Variants in NUP160 observed in about 807,000 individuals in gnomAD.
NUP160 encodes the protein nuclear pore complex protein Nup160.
Under a neutral mutation model 196.9 loss-of-function variants are expected in NUP160, and 94 were observed. The ratio of observed to expected loss-of-function variants is 0.48; its 90% CI spans 0.40 to 0.57. NUP160 has a LOEUF of 0.57. Among genes scored for constraint, NUP160 ranks in the 20% least tolerant of loss-of-function variants. The pLI, the probability that NUP160 is intolerant of heterozygous loss-of-function variation, is 0.00. For synonymous variants in NUP160, 605 were observed against 619.7 expected (o/e 0.98, Z 0.35); for missense variants, 1,638 against 1,748.3 (o/e 0.94, Z 1.13).
At chr11:47,803,183 G>A (rs886313135) in intron 22 of NUP160, among the ~76,000 whole-genome samples, 5 of 89,390 alleles carry the variant, frequency 5.6e-5, no homozygotes, top group Non-Finnish European at 2.6e-5. Context: ...AATAATAAAA[G>A]GAATCTCTAA....
At chr11:47,835,955 G>C in intron 6 of NUP160, 146 bp from the exon 7 acceptor site, 1 of 614,766 alleles carries the variant, frequency 1.6e-6, no homozygotes, top group South Asian at 3.3e-5. Context: ...GTTTCAAAAG[G>C]GCTAACACAG....
At chr11:47,799,065 A>C (rs2097672625) in intron 23 of NUP160, among the ~76,000 whole-genome samples, 1 of 152,142 alleles carries the variant, frequency 6.6e-6, no homozygotes, top group African/African-American at 2.4e-5. Context: ...TAAAAACCCT[A>C]AAGATAATTT....
In NUP160 at chr11:47,821,708, A is replaced by G. The variant is rs775324985; in HGVS notation, c.1277+16T>C. ...GCTTGGGGTGAGGTAGGATGACAGA[A>G]TTAAGTGACCCATACTGTTCAAAGT... On this transcript the variant is annotated intron_variant, in intron 9 of 35. Coordinates refer to ENST00000378460, the Ensembl canonical transcript of NUP160. 2 of 1,590,350 alleles carry G rather than the reference A, an allele frequency of 1.3e-6. No homozygotes were observed. Among genetic ancestry groups the G allele is most frequent in the Admixed American group, 3.3e-5 (2 of 59,894 alleles).
exon 12 of NUP160, chr11:47,815,986 C>A: frequency 6.2e-7 from 1 of 1,613,872 alleles, no homozygotes; most frequent in Non-Finnish European, 8.5e-7. Flanking sequence ...CTTCAGTTCA[C>A]TCCAGGAAAG....
rs755410632 is a variant in NUP160, at chr11:47,801,782, G to C, written c.2895+29C>G. 2.5e-6 allele frequency: 4 copies of C among 1,607,010 alleles called. No homozygotes were observed. The African/African-American group carries it at 5.4e-5, about 22-fold the overall frequency. ...TTCAGATGTGTTTTTACACAGGGTGGTATAAGGCCAAACCAAGACATGATG... is the reference window on the plus strand; with the variant it reads ...TTCAGATGTGTTTTTACACAGGGTGCTATAAGGCCAAACCAAGACATGATG... On this transcript the variant is annotated intron_variant, in intron 23 of 35. Transcript: ENST00000378460.
chr11:47,820,006 C>CT (rs893610003), intron 9 of NUP160, among the ~76,000 whole-genome samples: 46 of 152,126 alleles, frequency 3.0e-4, no homozygotes, highest in African/African-American at 9.7e-4. Context: ...ACAAGGAGTG[C>CT]TTTTTTTATC....
chr11:47,832,122 G>A lies in NUP160; in HGVS notation c.1101+3529C>T, dbSNP rs188344009. ...TCACCATATTGGCCAGGAGGGTCTC[G>A]ATCTCCTGACCTCATGATCCGCCTG... On this transcript the variant is annotated intron_variant, in intron 7 of 35. Coordinates refer to ENST00000378460, the Ensembl canonical transcript of NUP160. Among the ~76,000 whole-genome samples the A allele has an allele frequency of 5.8e-3, 880 of 151,714 alleles. 9 individuals carry two copies. The highest frequency in any genetic ancestry group is 0.02 in the African/African-American group (842 of 41,368).
chr11:47,787,876 C>A (rs1332192035), intron 31 of NUP160, among the ~76,000 whole-genome samples: 1 of 152,080 alleles, frequency 6.6e-6, no homozygotes, highest in Admixed American at 6.6e-5. Context: ...CGCCACCACG[C>A]CCGACTAATT....
intron 9 of NUP160, among the ~76,000 whole-genome samples, chr11:47,820,000 G>A (rs1851822487): frequency 6.6e-6 from 1 of 152,168 alleles, no homozygotes; most frequent in Admixed American, 6.5e-5. Context: ...CCATCTACAA[G>A]GAGTGCTTTT....
At chr11:47,779,033 C>T in exon 36 of NUP160, 1 of 1,087,664 alleles carries the variant, frequency 9.2e-7, no homozygotes, top group Non-Finnish European at 1.4e-6. Flanking sequence ...GCCTTGAGTA[C>T]AGGGTTCCTG....
At chr11:47,818,924 T>C (rs1249024213) in intron 10 of NUP160, among the ~76,000 whole-genome samples, 1 of 152,206 alleles carries the variant, frequency 6.6e-6, no homozygotes, top group African/African-American at 2.4e-5. Flanking sequence ...CAAATAGTCA[T>C]TGTTTCAGAT....
chr11:47,824,484 C>T (rs1480089236), intron 7 of NUP160, among the ~76,000 whole-genome samples: 1 of 151,828 alleles, frequency 6.6e-6, no homozygotes, highest in Non-Finnish European at 1.5e-5. Context: ...GTGGCACGTA[C>T]CTGTAGTCCC....
chr11:47,786,023 G>A (rs760211025), intron 32 of NUP160, among the ~76,000 whole-genome samples: 2 of 152,192 alleles, frequency 1.3e-5, no homozygotes, highest in Non-Finnish European at 2.9e-5. Context: ...TCTGAAGAAG[G>A]TATAGTGGAT....
rs5791787 is a variant in NUP160, at chr11:47,814,070, CAAAA to C, written c.1687-659_1687-656del. ...TGGGTGACAGAGCGAGACTCTGTCTCAAAAAAAAAAAAAAAAAAAAAAAAGAGTG... is the reference window on the plus strand; with the variant it reads ...TGGGTGACAGAGCGAGACTCTGTCTCAAAAAAAAAAAAAAAAAAAAGAGTG... On this transcript the variant is annotated intron_variant, in intron 13 of 35. Coordinates refer to ENST00000378460, the Ensembl canonical transcript of NUP160. Among the ~76,000 whole-genome samples, 3 of 39,864 alleles carry C rather than the reference CAAAA, an allele frequency of 7.5e-5. No individual in the cohort carries two copies. In the Admixed American group the frequency reaches 1.6e-3, roughly 21 times the overall value. 26.2% of individuals were successfully genotyped at this position (39,864 alleles called of 152,430 possible).
At chr11:47,794,147 A>T (rs1054278702) in intron 27 of NUP160, among the ~76,000 whole-genome samples, 1 of 152,156 alleles carries the variant, frequency 6.6e-6, no homozygotes, top group African/African-American at 2.4e-5. Flanking sequence ...TGTTCTGGAG[A>T]TTGGTTACAC....
In NUP160 at chr11:47,815,424, A is replaced by G. The variant is rs766214454; in HGVS notation, c.1686+55T>C. ...TTTTGTTTTCTGAAGGCATTTTGTT[A>G]TAACAGCCACTGAACTGTCTCAAGA... On this transcript the variant is annotated intron_variant, in intron 13 of 35. Coordinates refer to ENST00000378460, the Ensembl canonical transcript of NUP160. 217 of 1,384,582 alleles carry G rather than the reference A, an allele frequency of 1.6e-4. No individual in the cohort carries two copies. In the African/African-American group the frequency reaches 2.8e-3, roughly 18 times the overall value. 85.8% of individuals were successfully genotyped at this position (1,384,582 alleles called of 1,614,324 possible). A position where few individuals can be genotyped will look rare whatever the true frequency, so the allele number is the denominator to read the frequency against.
At chr11:47,827,484 T>A (rs1851994789) in intron 7 of NUP160, among the ~76,000 whole-genome samples, 1 of 151,758 alleles carries the variant, frequency 6.6e-6, no homozygotes, top group South Asian at 2.1e-4. Flanking sequence ...CAATACAAAT[T>A]AGGAATGAGG....
At chr11:47,788,202 G>GACTGGC in exon 31 of NUP160, 1 of 1,613,524 alleles carries the variant, frequency 6.2e-7, no homozygotes, top group Non-Finnish European at 8.5e-7. Context: ...GCCCTTCAAA[G>GACTGGC]ACTGGCGTTA....
chr11:47,803,903 A>G lies in NUP160; in HGVS notation c.2677-367T>C, dbSNP rs551772938. Reference sequence around the variant, plus strand: ...ACAAATTCTTAAAAAGACACTCTAGAGGCCAGGCACGGTGGCTCATGCCTG... The same window carrying G: ...ACAAATTCTTAAAAAGACACTCTAGGGGCCAGGCACGGTGGCTCATGCCTG... On this transcript the variant is annotated intron_variant, in intron 21 of 35. Transcript: ENST00000378460. Among the ~76,000 whole-genome samples, 146 of 152,238 alleles carry G rather than the reference A, an allele frequency of 9.6e-4. 1 individual carries two copies. The highest frequency in any genetic ancestry group is 1.8e-3 in the Non-Finnish European group (123 of 68,014).
Sources: allele counts gnomAD v4.1 joint callset (sites outside exome capture counted in the v4.1 genomes callset), GRCh38; gene constraint gnomAD v4.1.1; transcripts MANE v1.5; gene names NCBI Gene and HGNC (gene_info 2026-07-23, HGNC 2026-07-21).